The following DNAJC5 variants were observed in gnomAD, a reference collection of about 807,000 sequenced individuals.
DNAJC5 encodes dnaJ homolog subfamily C member 5.
Under a neutral mutation model 23.2 loss-of-function variants are expected in DNAJC5, and 1 was observed. That is an observed-to-expected ratio of 0.04 (90% CI 0.02 to 0.20). The LOEUF is 0.20. Among genes scored for constraint, DNAJC5 ranks in the 10% least tolerant of loss-of-function variants. The probability of loss-of-function intolerance (pLI) is 1.00; values close to 1 mark genes in which losing one functional copy is unlikely to be tolerated. For missense variants in DNAJC5, 180 were observed against 267.0 expected, an observed-to-expected ratio of 0.67 and a Z score of 2.27; for synonymous variants, 136 against 120.0, an observed-to-expected ratio of 1.13 and a Z score of -0.87.
intron 1 of DNAJC5, among the ~76,000 whole-genome samples, chr20:63,902,166 T>C (rs989380591): frequency 4.0e-5 from 6 of 151,764 alleles, no homozygotes; most frequent in African/African-American, 1.5e-4. Context: ...GCCATTCCCC[T>C]GCCTCAGCCT....
At chr20:63,908,284 C>T (rs2053460138) in intron 1 of DNAJC5, among the ~76,000 whole-genome samples, 2 of 152,208 alleles carry the variant, frequency 1.3e-5, no homozygotes, top group Non-Finnish European at 2.9e-5. Context: ...AGTCCTAGGC[C>T]AGGGGGTGAG....
Position 63,931,682 on chromosome 20 carries a change from C to CT in DNAJC5, c.*115dup. On this transcript the variant is annotated 3_prime_UTR_variant, in exon 5 of 5. Coordinates refer to ENST00000360864, the MANE Select transcript of DNAJC5 (RefSeq NM_025219.3). This position sits in a 1 kb window ranked among gnomAD's most constrained non-coding sequence, Gnocchi z 9.6. ...CAGCCTCCTGCCTGCCCTGGCCTTG[C>CT]TGGGGCCCCTCCTGCCTCCACGCCC... 7 of 1,151,214 alleles carry CT rather than the reference C, an allele frequency of 6.1e-6. No individual in the cohort carries two copies. The South Asian group carries it at 9.2e-5, about 15-fold the overall frequency. The allele number at this position is 1,151,214 out of a possible 1,614,324, so 71.3% of individuals were successfully genotyped here.
intron 1 of DNAJC5, chr20:63,908,806 A>C (rs1444110707): frequency 3.3e-5 from 5 of 152,208 alleles, no homozygotes; most frequent in Non-Finnish European, 5.9e-5. Flanking sequence ...TCTCAAAAAG[A>C]AAAGAAAAGA....
At chr20:63,897,411 TAA>T (rs963971937) in intron 1 of DNAJC5, among the ~76,000 whole-genome samples, 18 of 147,368 alleles carry the variant, frequency 1.2e-4, no homozygotes, top group African/African-American at 4.3e-4. Flanking sequence ...AAAATAAAAA[TAA>T]AAATTAGCTG....
chr20:63,924,026 A>G (rs2053591777), intron 1 of DNAJC5, among the ~76,000 whole-genome samples: 2 of 152,102 alleles, frequency 1.3e-5, no homozygotes, highest in Admixed American at 1.3e-4. Flanking sequence ...TCTGAACTCG[A>G]TTCTGCTGTT....
intron 1 of DNAJC5, among the ~76,000 whole-genome samples, chr20:63,910,579 G>A (rs946713505): frequency 1.3e-5 from 2 of 152,040 alleles, no homozygotes; most frequent in African/African-American, 4.8e-5. Flanking sequence ...GACTGGGAGG[G>A]CGAGGCCCGA....
chr20:63,912,386 C>G (rs997552831), intron 1 of DNAJC5, among the ~76,000 whole-genome samples: 8 of 151,210 alleles, frequency 5.3e-5, no homozygotes, highest in African/African-American at 1.9e-4. Context: ...TTTGTTGACT[C>G]TTGTTTATAA....
At chr20:63,897,688 G>A (rs2053384180) in intron 1 of DNAJC5, among the ~76,000 whole-genome samples, 1 of 152,194 alleles carries the variant, frequency 6.6e-6, no homozygotes, top group East Asian at 1.9e-4. Flanking sequence ...CGTGACATTT[G>A]GTAATTAAGT....
At chr20:63,913,098 G>C (rs1372363257) in intron 1 of DNAJC5, among the ~76,000 whole-genome samples, 6 of 152,102 alleles carry the variant, frequency 3.9e-5, no homozygotes, top group African/African-American at 9.6e-5. Context: ...TGTCTGCACT[G>C]TCTCTCCCAG....
At chr20:63,914,435 C>A (rs1471291235) in intron 1 of DNAJC5, among the ~76,000 whole-genome samples, 8 of 151,864 alleles carry the variant, frequency 5.3e-5, no homozygotes, top group Non-Finnish European at 1.2e-4. Flanking sequence ...CCGCCTCAGT[C>A]TTCCGAGTCG....
intron 1 of DNAJC5, among the ~76,000 whole-genome samples, chr20:63,912,233 G>T (rs1242853436): frequency 6.6e-6 from 1 of 151,712 alleles, no homozygotes; most frequent in East Asian, 1.9e-4. Context: ...AACCCGGGAG[G>T]CGGAGGTTGC....
At chr20:63,917,087 G>C (rs1438421204) in intron 1 of DNAJC5, among the ~76,000 whole-genome samples, 1 of 152,198 alleles carries the variant, frequency 6.6e-6, no homozygotes, top group Non-Finnish European at 1.5e-5. Flanking sequence ...ACAGGATTAA[G>C]AGATTAAAGT....
At position 63,923,728 on chromosome 20, in the gene DNAJC5, A is replaced by G. The variant is rs1263728323; in HGVS notation, c.-11-4607A>G. Among the ~76,000 whole-genome samples the G allele has an allele frequency of 2.6e-5, 4 of 152,224 alleles. No individual in the cohort carries two copies. The South Asian group carries it at 6.2e-4, about 24-fold the overall frequency. ...CAATAAAGTCAGGCGGGGAAAAGAA[A>G]GAATGAGTTAACATTTTCTCAGCTT... On this transcript the variant is annotated intron_variant, in intron 1 of 4. Transcript: ENST00000360864.
chr20:63,907,805 C>T (rs1038384401), intron 1 of DNAJC5, among the ~76,000 whole-genome samples: 14 of 152,172 alleles, frequency 9.2e-5, no homozygotes, highest in East Asian at 3.9e-4. Flanking sequence ...CTCGCTCTGT[C>T]GACAGGCTGG....
At chr20:63,911,070 G>GA (rs565222506) in intron 1 of DNAJC5, among the ~76,000 whole-genome samples, 15 of 152,060 alleles carry the variant, frequency 9.9e-5, no homozygotes, top group Non-Finnish European at 1.8e-4. Flanking sequence ...CAGTTTACAA[G>GA]AAAAAAAATC....
Position 63,931,218 on chromosome 20 carries a change from C to T in DNAJC5, c.493+196C>T, listed in dbSNP as rs2053667415. 1.3e-6 allele frequency: 1 copy of T among 797,634 alleles called. No homozygotes were observed. The highest frequency in any genetic ancestry group is 2.1e-6 in the Non-Finnish European group (1 of 473,288). 49.4% of individuals were successfully genotyped at this position (797,634 alleles called of 1,614,324 possible). A position where few individuals can be genotyped will look rare whatever the true frequency, so the allele number is the denominator to read the frequency against. On this transcript the variant is annotated intron_variant, in intron 4 of 4. Transcript: ENST00000360864. This position sits in a 1 kb window ranked among gnomAD's most constrained non-coding sequence, Gnocchi z 9.6. The stretch of plus-strand genomic sequence containing the variant: ...CGCATAGAGCTGTCCCCGCCGTGAC[C>T]TGCGGTAGCCGTAGATCCCAGGGAC...
At chr20:63,898,662 T>G (rs2053389707) in intron 1 of DNAJC5, among the ~76,000 whole-genome samples, 1 of 152,016 alleles carries the variant, frequency 6.6e-6, no homozygotes, top group Non-Finnish European at 1.5e-5. Flanking sequence ...GCCAACATGG[T>G]GAAACCCTGT....
chr20:63,934,959 C>T lies in DNAJC5; in HGVS notation c.*3391C>T, dbSNP rs1430810845. ...CTTGTCCACCCTCCCTTAGCTCTGA[C>T]TCAGTGCATCCTACTGTGGGGACAT... On this transcript the variant is annotated 3_prime_UTR_variant, in exon 5 of 5. Coordinates refer to ENST00000360864, the MANE Select transcript of DNAJC5 (RefSeq NM_025219.3). The T allele has an allele frequency of 6.6e-6, 1 of 152,292 alleles. No individual in the cohort carries two copies. The highest frequency in any genetic ancestry group is 6.5e-5 in the Admixed American group (1 of 15,286). 9.4% of individuals were successfully genotyped at this position (152,292 alleles called of 1,614,324 possible). A position where few individuals can be genotyped will look rare whatever the true frequency, so the allele number is the denominator to read the frequency against.
At chr20:63,925,825 GTTTT>G (rs376376541) in intron 1 of DNAJC5, among the ~76,000 whole-genome samples, 31,100 of 123,342 alleles carry the variant, frequency 0.25, 3,377 homozygotes, top group East Asian at 0.59. Context: ...ATTTTATCTG[GTTTT>G]TTTTTTTTTT....
Sources: allele counts gnomAD v4.1 joint callset (sites outside exome capture counted in the v4.1 genomes callset), GRCh38; gene constraint gnomAD v4.1.1; non-coding constraint Gnocchi (gnomAD v3.1); transcripts MANE v1.5; gene names NCBI Gene and HGNC (gene_info 2026-07-23, HGNC 2026-07-21).